ARHGAP23: variants seen among roughly 807,000 people sequenced by gnomAD.
ARHGAP23 encodes the protein rho GTPase-activating protein 23.
Under a neutral mutation model 136.3 loss-of-function variants are expected in ARHGAP23, and 34 were observed. That is an observed-to-expected ratio of 0.25 (90% CI 0.19 to 0.33). The LOEUF (loss-of-function observed/expected upper bound fraction) is 0.33, where lower values mean the gene tolerates loss of function less well. Ranked by LOEUF, ARHGAP23 falls within the 10% of genes least tolerant of loss-of-function variation. The pLI, the probability that ARHGAP23 is intolerant of heterozygous loss-of-function variation, is 1.00. For synonymous variants in ARHGAP23, 832 were observed against 920.5 expected (o/e 0.90, Z 1.74); for missense variants, 1,808 against 2,139.0 (o/e 0.85, Z 3.05).
intron 1 of ARHGAP23, among the ~76,000 whole-genome samples, chr17:38,441,991 C>G (rs1339795310): frequency 6.6e-6 from 1 of 152,076 alleles, no homozygotes; most frequent in Admixed American, 6.6e-5. Context: ...GGATCTGGCT[C>G]TGTCGCCCAG....
In ARHGAP23 at chr17:38,467,228, C is replaced by T. The variant is rs2039631721; in HGVS notation, c.1545C>T (p.Asp515=). ...GACAGATGAACCTTGGATTTGGTGA[C>T]GAGTCCCCAGAGCCAGAGGCCAGTG... The part of the protein sequence containing the change: ...PARQMNLGFG[D]ESPEPEASGR... Residue 515 remains aspartate, a synonymous_variant, in exon 7 of 24, where the codon GAC becomes GAT. Transcript: ENST00000622683. The T allele has an allele frequency of 3.9e-6, 6 of 1,550,668 alleles. No individual in the cohort carries two copies. Among genetic ancestry groups the T allele is most frequent in the South Asian group, 2.4e-5 (2 of 84,030 alleles).
intron 6 of ARHGAP23, among the ~76,000 whole-genome samples, chr17:38,465,199 C>G (rs1406569579): frequency 6.6e-6 from 1 of 150,714 alleles, no homozygotes; most frequent in South Asian, 2.1e-4. Flanking sequence ...TGTGTGCCGG[C>G]CCTGTGCCAG....
At chr17:38,504,707 G>A (rs558785699) in intron 23 of ARHGAP23, among the ~76,000 whole-genome samples, 1 of 152,176 alleles carries the variant, frequency 6.6e-6, no homozygotes, top group Non-Finnish European at 1.5e-5. Context: ...TGGGTCTCTA[G>A]GGAGGATTCG....
At position 38,469,258 on chromosome 17, in the gene ARHGAP23, C is replaced by T. The variant is rs1404008389; in HGVS notation, c.1763C>T (p.Thr588Ile). The T allele has an allele frequency of 5.8e-6, 9 of 1,551,616 alleles. No homozygotes were observed. The highest frequency in any genetic ancestry group is 7.8e-6 in the Non-Finnish European group (9 of 1,146,852). ...CTGGGCACCAGCCCATCTTCCCCGA[C>T]CTTCACTTTCACCCTCGGACGCCAT... ...PVLGTSPSSP[T>I]FTFTLGRHYS... The change falls in exon 8 of 24, where the codon ACC (threonine) becomes ATC (isoleucine). Residue 588 changes from threonine to isoleucine, a missense_variant. Coordinates refer to ENST00000622683, the MANE Select transcript of ARHGAP23 (RefSeq NM_001199417.2).
At position 38,471,899 on chromosome 17, in the gene ARHGAP23, G is replaced by A. The variant is rs1407438959; in HGVS notation, c.2011G>A (p.Ala671Thr). The change falls in exon 11 of 24, where the codon GCT (alanine) becomes ACT (threonine). Residue 671 changes from alanine (A) to threonine (T), a missense_variant. This residue lies in a region of ARHGAP23 where 139 missense variants were observed against 264.3 expected (regional missense o/e 0.53). Coordinates refer to ENST00000622683, the MANE Select transcript of ARHGAP23 (RefSeq NM_001199417.2). ...CTGGGGCACCTCTGAAGATGCTGAC[G>A]CTCCTTCTAAGCGACACTCAACCTC... ...DSWGTSEDAD[A>T]PSKRHSTSDL... 1.5e-5 allele frequency: 23 copies of A among 1,549,018 alleles called. No individual in the cohort carries two copies. The highest frequency in any genetic ancestry group is 1.2e-4 in the East Asian group (5 of 40,940).
chr17:38,501,324 C>A (rs1421641439), intron 23 of ARHGAP23, among the ~76,000 whole-genome samples: 1 of 151,870 alleles, frequency 6.6e-6, no homozygotes, highest in Non-Finnish European at 1.5e-5. Flanking sequence ...TTTTTTGAGA[C>A]GGAGTCTTGC....
chr17:38,490,299 C>G (rs997323755), intron 18 of ARHGAP23, 124 bp downstream of exon 18: 10 of 1,159,484 alleles, frequency 8.6e-6, no homozygotes, highest in African/African-American at 7.7e-5. Context: ...CCGCTCCACT[C>G]AGGGCCTCAG....
Position 38,460,951 on chromosome 17 carries a change from G to A in ARHGAP23, c.253+19G>A. ...GGAGGAGGTAAGGGAGGACTGGCGG[G>A]CGCTGGACCTGCACGGGACTCCTCT... On this transcript the variant is annotated intron_variant, in intron 3 of 23. Coordinates refer to ENST00000622683, the MANE Select transcript of ARHGAP23 (RefSeq NM_001199417.2). The A allele has an allele frequency of 6.5e-7, 1 of 1,535,864 alleles. No individual in the cohort carries two copies. The highest frequency in any genetic ancestry group is 8.7e-7 in the Non-Finnish European group (1 of 1,146,782).
At chr17:38,476,127 C>T (rs1255645436) in intron 11 of ARHGAP23, among the ~76,000 whole-genome samples, 5 of 152,134 alleles carry the variant, frequency 3.3e-5, no homozygotes. Context: ...ATTCTGAGGG[C>T]GATGGGATCC....
chr17:38,496,230 C>CT (rs1344510036), intron 20 of ARHGAP23, among the ~76,000 whole-genome samples: 1 of 152,140 alleles, frequency 6.6e-6, no homozygotes, highest in Non-Finnish European at 1.5e-5. Flanking sequence ...TTATCAGTTT[C>CT]TGTGTCTTCC....
intron 1 of ARHGAP23, among the ~76,000 whole-genome samples, chr17:38,439,059 C>T (rs2038864466): frequency 6.6e-6 from 1 of 151,546 alleles, no homozygotes; most frequent in South Asian, 2.1e-4. Flanking sequence ...ACCTGTAAAT[C>T]CCAGCTACTT....
chr17:38,504,415 C>T (rs1004528056), intron 23 of ARHGAP23, among the ~76,000 whole-genome samples: 2 of 152,216 alleles, frequency 1.3e-5, no homozygotes, highest in African/African-American at 4.8e-5. Context: ...CCTCCTGTCC[C>T]GGCTGTAAGG....
chr17:38,455,985 C>T (rs1316268906), intron 1 of ARHGAP23, among the ~76,000 whole-genome samples: 1 of 152,160 alleles, frequency 6.6e-6, no homozygotes, highest in Non-Finnish European at 1.5e-5. Flanking sequence ...GACTGGGGGT[C>T]TTCCAGCTTT....
In ARHGAP23 at chr17:38,458,365, G is replaced by A. The variant is rs932970182; in HGVS notation, c.225+102G>A. On this transcript the variant is annotated intron_variant, in intron 2 of 23. Coordinates refer to ENST00000622683, the MANE Select transcript of ARHGAP23 (RefSeq NM_001199417.2). ...CATGGTCCTTTCACCCTCTCAGAGA[G>A]GCAGTCCTTCCTGGGGTCCGGCCTG... The A allele has an allele frequency of 7.9e-6, 11 of 1,398,796 alleles. No individual in the cohort carries two copies. The African/African-American group carries it at 1.6e-4, about 20-fold the overall frequency. 86.6% of individuals were successfully genotyped at this position (1,398,796 alleles called of 1,614,324 possible). A position where few individuals can be genotyped will look rare whatever the true frequency, so the allele number is the denominator to read the frequency against.
In ARHGAP23 at chr17:38,510,332, G is replaced by T. The variant is rs749163926; in HGVS notation, c.3836G>T (p.Arg1279Leu). ...GCGGGGGATGAGGCGGACGACGAGC[G>T]TAGCGAGCTGAGCCACGTGGAGACG... ...AGAGDEADDE[R>L]SELSHVETDT... Residue 1279 changes from arginine (R) to leucine (L), a missense_variant, in exon 24 of 24, where the codon CGT becomes CTT. Coordinates refer to ENST00000622683, the MANE Select transcript of ARHGAP23 (RefSeq NM_001199417.2). This position sits in a 1 kb window ranked among gnomAD's most constrained non-coding sequence, Gnocchi z 4.6. 3.4e-5 allele frequency: 43 copies of T among 1,257,258 alleles called. No homozygotes were observed. The highest frequency in any genetic ancestry group is 4.2e-5 in the Non-Finnish European group (42 of 1,001,732). 77.9% of individuals were successfully genotyped at this position (1,257,258 alleles called of 1,614,324 possible). A position where few individuals can be genotyped will look rare whatever the true frequency, so the allele number is the denominator to read the frequency against.
chr17:38,432,882 G>A (rs146815196), intron 1 of ARHGAP23, among the ~76,000 whole-genome samples: 1 of 152,212 alleles, frequency 6.6e-6, no homozygotes, highest in Non-Finnish European at 1.5e-5. Context: ...AGCCTGCTGA[G>A]GTCCAAATTT....
intron 14 of ARHGAP23, among the ~76,000 whole-genome samples, chr17:38,480,596 T>C (rs2040013448): frequency 6.6e-6 from 1 of 151,610 alleles, no homozygotes; most frequent in Admixed American, 6.6e-5. Context: ...ATCGCGCCAC[T>C]GCACTCTAGC....
At chr17:38,447,438 A>G (rs796166189) in intron 1 of ARHGAP23, among the ~76,000 whole-genome samples, 61 of 101,686 alleles carry the variant, frequency 6.0e-4, no homozygotes, top group African/African-American at 2.7e-3. Flanking sequence ...ACTCCGTCTG[A>G]AAAAAAAAAA....
chr17:38,466,726 G>T lies in ARHGAP23; in HGVS notation c.1043G>T (p.Arg348Leu). The T allele has an allele frequency of 1.9e-6, 3 of 1,542,528 alleles. No homozygotes were observed. In the African/African-American group the frequency reaches 4.1e-5, roughly 21 times the overall value. The change falls in exon 7 of 24, where the codon CGA becomes CTA. Residue 348 changes from arginine to leucine, a missense_variant. Physicochemically the swap from Arg to Leu is moderately radical, Grantham distance 102. Coordinates refer to ENST00000622683, the MANE Select transcript of ARHGAP23 (RefSeq NM_001199417.2). ...LSQLGQEGWH[R>L]ARSDDYLSRA... ...CAGCTGGGCCAGGAGGGCTGGCACCGAGCTCGCTCAGATGACTACTTGAGC... is the reference window on the plus strand; with the variant it reads ...CAGCTGGGCCAGGAGGGCTGGCACCTAGCTCGCTCAGATGACTACTTGAGC...
Sources: allele counts gnomAD v4.1 joint callset (sites outside exome capture counted in the v4.1 genomes callset), GRCh38; gene constraint gnomAD v4.1.1; regional missense constraint gnomAD v4.1.1; non-coding constraint Gnocchi (gnomAD v3.1); transcripts MANE v1.5; gene names NCBI Gene and HGNC (gene_info 2026-07-23, HGNC 2026-07-21).